The following THSD7A variants were observed in gnomAD, a reference collection of about 807,000 sequenced individuals.
The protein encoded by THSD7A is thrombospondin type 1 domain containing 7A, also known as thrombospondin type-1 domain-containing protein 7A.
THSD7A carries 96 observed loss-of-function variants against 231.3 expected under a neutral mutation model. That is an observed-to-expected ratio of 0.41 (90% CI 0.35 to 0.49). The LOEUF (loss-of-function observed/expected upper bound fraction) is 0.49, where lower values mean the gene tolerates loss of function less well. Ranked by LOEUF, THSD7A falls within the 20% of genes least tolerant of loss-of-function variation. THSD7A has a pLI of 0.05. For synonymous variants in THSD7A, 940 were observed against 743.3 expected (o/e 1.26, Z -4.30); for missense variants, 2,290 against 2,070.2 (o/e 1.11, Z -2.06).
At chr7:11,650,283 T>C (rs1461832421) in intron 1 of THSD7A, among the ~76,000 whole-genome samples, 2 of 152,038 alleles carry the variant, frequency 1.3e-5, no homozygotes, top group South Asian at 2.1e-4. Context: ...AACAGGAATA[T>C]AATGTGGACA....
intron 9 of THSD7A, among the ~76,000 whole-genome samples, chr7:11,462,940 A>T (rs1376015396): frequency 2.0e-5 from 3 of 152,170 alleles, no homozygotes; most frequent in Non-Finnish European, 4.4e-5. Context: ...CAACTTTAAT[A>T]AAATATATTT....
intron 1 of THSD7A, among the ~76,000 whole-genome samples, chr7:11,734,718 A>T (rs79729135): frequency 0.014 from 2,205 of 152,070 alleles, 52 homozygotes; most frequent in African/African-American, 0.05. Context: ...AACATCCTAA[A>T]GAAAATTTTT....
intron 1 of THSD7A, among the ~76,000 whole-genome samples, chr7:11,778,476 AG>A (rs1197849557): frequency 1.2e-4 from 18 of 152,298 alleles, no homozygotes; most frequent in Non-Finnish European, 2.1e-4. Context: ...ACAGAAATAA[AG>A]CTCTATGTAT....
intron 6 of THSD7A, among the ~76,000 whole-genome samples, chr7:11,533,991 T>C (rs962701170): frequency 1.3e-5 from 2 of 152,152 alleles, no homozygotes; most frequent in Non-Finnish European, 2.9e-5. Flanking sequence ...CAATATTGTA[T>C]GTTGTATATT....
chr7:11,451,223 A>G (rs1337353677), intron 11 of THSD7A, among the ~76,000 whole-genome samples: 2 of 152,046 alleles, frequency 1.3e-5, no homozygotes, highest in Non-Finnish European at 2.9e-5. Context: ...AAATACACGA[A>G]CCAAATGCAA....
In THSD7A at chr7:11,385,585, ATATTTGGTTATCTTTGTATTTCAACAAT is replaced by A. The variant is rs1169795260; in HGVS notation, c.4412-2997_4412-2970del. ...TAAATTACATTAAGAGATTTTATTAATATTTGGTTATCTTTGTATTTCAACAATTATTTGGTTATCTTTGTATTTCAAC... is the reference window on the plus strand; with the variant it reads ...TAAATTACATTAAGAGATTTTATTAATATTTGGTTATCTTTGTATTTCAAC... On this transcript the variant is annotated intron_variant, in intron 23 of 27. Transcript: ENST00000423059. 2.2e-3 allele frequency: 329 copies of A among 146,670 alleles called. 1 individual carries two copies. The highest frequency in any genetic ancestry group is 6.3e-3 in the Admixed American group (95 of 15,022). 9.1% of individuals were successfully genotyped at this position (146,670 alleles called of 1,614,324 possible). A position where few individuals can be genotyped will look rare whatever the true frequency, so the allele number is the denominator to read the frequency against.
chr7:11,785,883 G>A (rs1457452650), intron 1 of THSD7A, among the ~76,000 whole-genome samples: 1 of 151,822 alleles, frequency 6.6e-6, no homozygotes, highest in African/African-American at 2.4e-5. Context: ...GTGCTCTTAG[G>A]GTTAATTTGT....
rs1780532916 is a variant in THSD7A, at chr7:11,601,004, C to T, written c.1023-7502G>A. ...TGCTACTCAGTGTCATGTATTGATG[C>T]TAACCATGAAGCAAGACTTTCTCTT... On this transcript the variant is annotated intron_variant, in intron 2 of 27. Coordinates refer to ENST00000423059, the MANE Select transcript of THSD7A (RefSeq NM_015204.3). Among the ~76,000 whole-genome samples, 3 of 152,118 alleles carry T rather than the reference C, an allele frequency of 2.0e-5. No individual in the cohort carries two copies. The South Asian group carries it at 6.2e-4, about 31-fold the overall frequency.
At chr7:11,447,486 A>T (rs1562616975) in intron 11 of THSD7A, 62 bp from the exon 12 acceptor site, 17 of 1,358,772 alleles carry the variant, frequency 1.3e-5, no homozygotes, top group Non-Finnish European at 1.7e-5. Context: ...TATAATTTAG[A>T]AGCTAACCTA....
In THSD7A at chr7:11,809,685, G is replaced by T. The variant is rs115884832; in HGVS notation, c.190+22072C>A. Reference sequence around the variant, plus strand: ...AGCTAAAGCACTTTCTAAACTCAAAGGAATTATTTTAAGTAATTTTGGAAC... The same window carrying T: ...AGCTAAAGCACTTTCTAAACTCAAATGAATTATTTTAAGTAATTTTGGAAC... On this transcript the variant is annotated intron_variant, in intron 1 of 27. Transcript: ENST00000423059. Among the ~76,000 whole-genome samples, 800 of 152,126 alleles carry T rather than the reference G, an allele frequency of 5.3e-3. 5 individuals are homozygous for T. The highest frequency in any genetic ancestry group is 0.018 in the African/African-American group (743 of 41,504).
At chr7:11,631,140 A>G (rs1485335961) in intron 2 of THSD7A, among the ~76,000 whole-genome samples, 1 of 152,208 alleles carries the variant, frequency 6.6e-6, no homozygotes, top group Non-Finnish European at 1.5e-5. Context: ...GGATAATCCA[A>G]TAAGAAGAGC....
chr7:11,587,795 G>A lies in THSD7A; in HGVS notation c.1453+2665C>T, dbSNP rs139105922. On this transcript the variant is annotated intron_variant, in intron 4 of 27. Coordinates refer to ENST00000423059, the MANE Select transcript of THSD7A (RefSeq NM_015204.3). ...AAGGTAGTCAGTATCATTCCCCTGT[G>A]TAACACAATGCACCAAGTTAATAAA... Among the ~76,000 whole-genome samples the A allele has an allele frequency of 9.0e-4, 137 of 152,188 alleles. 2 individuals are homozygous for A. Among genetic ancestry groups the A allele is most frequent in the African/African-American group, 3.1e-3 (130 of 41,524 alleles).
At chr7:11,697,549 A>G (rs1780440715) in intron 1 of THSD7A, among the ~76,000 whole-genome samples, 3 of 151,288 alleles carry the variant, frequency 2.0e-5, no homozygotes. Flanking sequence ...GATTATATTG[A>G]TAAACATTTT....
At chr7:11,678,310 C>A (rs2128138074) in intron 1 of THSD7A, among the ~76,000 whole-genome samples, 1 of 152,056 alleles carries the variant, frequency 6.6e-6, no homozygotes, top group African/African-American at 2.4e-5. Flanking sequence ...CAAACAAATC[C>A]AAAAGGTAGC....
At chr7:11,720,078 A>G (rs1486846793) in intron 1 of THSD7A, among the ~76,000 whole-genome samples, 1 of 151,728 alleles carries the variant, frequency 6.6e-6, no homozygotes, top group Non-Finnish European at 1.5e-5. Flanking sequence ...AGTGCTGTTT[A>G]AGAACACATT....
At chr7:11,520,583 G>A (rs1165937169) in intron 6 of THSD7A, among the ~76,000 whole-genome samples, 2 of 152,098 alleles carry the variant, frequency 1.3e-5, no homozygotes, top group African/African-American at 4.8e-5. Context: ...TCAAGTGCTT[G>A]AAAATGTTGA....
chr7:11,384,295 A>G (rs1782641792), intron 23 of THSD7A: 1 of 151,756 alleles, frequency 6.6e-6, no homozygotes, highest in South Asian at 2.1e-4. Flanking sequence ...CTTTGAAATT[A>G]ATTGGCTTCA....
In THSD7A at chr7:11,474,231, T is replaced by A; in HGVS notation, c.2252+103A>T. The A allele has an allele frequency of 2.0e-6, 2 of 980,326 alleles. No individual in the cohort carries two copies. The highest frequency in any genetic ancestry group is 1.6e-5 in the African/African-American group (1 of 61,566). The allele number at this position is 980,326 out of a possible 1,614,324, so 60.7% of individuals were successfully genotyped here. A position where few individuals can be genotyped will look rare whatever the true frequency, so the allele number is the denominator to read the frequency against. On this transcript the variant is annotated intron_variant, in intron 8 of 27. Coordinates refer to ENST00000423059, the MANE Select transcript of THSD7A (RefSeq NM_015204.3). The surrounding 1 kb of genome is among the most constrained non-coding windows in gnomAD (Gnocchi z 4.1). ...CAAATCTTGCTCTTGAGGACAGGTA[T>A]GACAAGCATCAAAATGTTCCATTTC...
At chr7:11,398,645 A>G (rs1783283766) in intron 23 of THSD7A, among the ~76,000 whole-genome samples, 1 of 152,222 alleles carries the variant, frequency 6.6e-6, no homozygotes, top group Non-Finnish European at 1.5e-5. Context: ...TCCTCACAAG[A>G]GGGCATTAGC....
Sources: gnomAD v4.1 joint callset for allele counts (sites outside exome capture counted in the v4.1 genomes callset) on GRCh38, gnomAD v4.1.1 for gene constraint, Gnocchi (gnomAD v3.1) non-coding constraint, MANE v1.5 for transcripts, NCBI Gene and HGNC (gene_info 2026-07-23, HGNC 2026-07-21) for gene names.